The following LRRFIP1 variants were observed in gnomAD, a reference collection of about 807,000 sequenced individuals.
LRRFIP1 encodes the protein leucine-rich repeat flightless-interacting protein 1.
A neutral mutation model predicts 104.4 loss-of-function variants in LRRFIP1; 62 were observed. The ratio of observed to expected loss-of-function variants is 0.59; its 90% confidence interval spans 0.48 to 0.73. The LOEUF (loss-of-function observed/expected upper bound fraction) is 0.73, where lower values mean the gene tolerates loss of function less well. LRRFIP1 is among the 30% of genes least tolerant of loss of function. LRRFIP1 has a pLI of 0.00. For synonymous variants in LRRFIP1, 300 were observed against 299.0 expected, an observed-to-expected ratio of 1.00 and a Z score of -0.03; for missense variants, 796 against 824.5, an observed-to-expected ratio of 0.97 and a Z score of 0.42.
rs1269588296 is a variant in LRRFIP1 at position 237,758,795 on chromosome 2, G to A, written c.1291G>A (p.Val431Ile). 4.3e-6 allele frequency: 7 copies of A among 1,612,730 alleles called. No homozygotes were observed. The Admixed American group carries it at 8.4e-5, about 19-fold the overall frequency. The change falls in exon 18 of 24, where the codon GTA becomes ATA. Residue 431 changes from valine to isoleucine, a missense_variant. Val to Ile is a conservative substitution (Grantham distance 29). Transcript: ENST00000308482. Reference protein sequence around the residue: ...RSERDDLREEVVMLKEELKKH... With the variant: ...RSERDDLREEIVMLKEELKKH... ...TGAACGGGATGATCTTAGAGAAGAA[G>A]TAGTCATGCTGAAAGAGGAATTAAA...
At chr2:237,738,435 G>C (rs949045038) in intron 10 of LRRFIP1, among the ~76,000 whole-genome samples, 2 of 152,204 alleles carry the variant, frequency 1.3e-5, no homozygotes, top group African/African-American at 4.8e-5. Context: ...CAGTGGCGAG[G>C]CTTGCTATAT....
At chr2:237,730,668 C>T (rs2094959988) in intron 8 of LRRFIP1, among the ~76,000 whole-genome samples, 1 of 152,204 alleles carries the variant, frequency 6.6e-6, no homozygotes, top group Non-Finnish European at 1.5e-5. Context: ...CTATAAATCC[C>T]AGCACTTCGG....
At chr2:237,737,566 A>G (rs1457381502) in intron 10 of LRRFIP1, among the ~76,000 whole-genome samples, 4 of 152,190 alleles carry the variant, frequency 2.6e-5, no homozygotes, top group African/African-American at 4.8e-5. Flanking sequence ...TCTATTCACA[A>G]CAGTTCACTG....
chr2:237,678,836 A>G (rs1288920929), intron 1 of LRRFIP1, among the ~76,000 whole-genome samples: 2 of 152,148 alleles, frequency 1.3e-5, no homozygotes, highest in African/African-American at 4.8e-5. Flanking sequence ...CTTGCATTAT[A>G]TAGATCAAAC....
intron 13 of LRRFIP1, among the ~76,000 whole-genome samples, chr2:237,750,310 T>C (rs2058425532): frequency 6.7e-6 from 1 of 149,428 alleles, no homozygotes; most frequent in South Asian, 2.1e-4. Flanking sequence ...TCCTTTTTCT[T>C]TTCTTTTCTT....
intron 17 of LRRFIP1, among the ~76,000 whole-genome samples, chr2:237,758,514 T>C (rs2059531164): frequency 6.6e-6 from 1 of 152,214 alleles, no homozygotes; most frequent in South Asian, 2.1e-4. Context: ...CGCATGTCTT[T>C]CATGGAGTAT....
At chr2:237,650,100 G>A (rs2085674837) in intron 1 of LRRFIP1, among the ~76,000 whole-genome samples, 1 of 151,976 alleles carries the variant, frequency 6.6e-6, no homozygotes, top group African/African-American at 2.4e-5. Flanking sequence ...CCAAGTGTTG[G>A]AAAGGGCTCC....
chr2:237,684,046 TCTGA>T (rs1312485307), intron 1 of LRRFIP1, among the ~76,000 whole-genome samples: 7 of 152,222 alleles, frequency 4.6e-5, no homozygotes, highest in East Asian at 3.8e-4. Context: ...ATTTCATGGC[TCTGA>T]CTGTCAGGAA....
intron 10 of LRRFIP1, 28 bp from the exon 11 acceptor site, chr2:237,739,204 C>T (rs1263438016): frequency 1.0e-5 from 16 of 1,546,194 alleles, no homozygotes; most frequent in African/African-American, 8.2e-5. Context: ...TTTCTGGCTG[C>T]GTGTCCTGGC....
At chr2:237,712,303 C>A (rs1194094548) in intron 2 of LRRFIP1, among the ~76,000 whole-genome samples, 1 of 152,084 alleles carries the variant, frequency 6.6e-6, no homozygotes, top group Non-Finnish European at 1.5e-5. Context: ...TCTGTACCAA[C>A]AATAAAAACA....
At chr2:237,656,959 A>T (rs911601450) in intron 1 of LRRFIP1, among the ~76,000 whole-genome samples, 1 of 152,292 alleles carries the variant, frequency 6.6e-6, no homozygotes. Flanking sequence ...AACATAATTC[A>T]TGATAGAAAA....
chr2:237,671,769 C>A (rs1161210166), intron 1 of LRRFIP1, among the ~76,000 whole-genome samples: 1 of 151,648 alleles, frequency 6.6e-6, no homozygotes, highest in Non-Finnish European at 1.5e-5. Context: ...TGTGTGCACA[C>A]ACGTGTGCAT....
chr2:237,646,038 G>A (rs115522175), intron 1 of LRRFIP1, among the ~76,000 whole-genome samples: 1,862 of 152,028 alleles, frequency 0.012, 32 homozygotes, highest in Non-Finnish European at 0.021. Context: ...AACAGAGCCC[G>A]TGGTAGCAGC....
chr2:237,697,521 G>A (rs913035719), intron 1 of LRRFIP1, among the ~76,000 whole-genome samples: 8 of 152,182 alleles, frequency 5.3e-5, no homozygotes, highest in African/African-American at 1.9e-4. Flanking sequence ...AAGTAGATAA[G>A]TTCATGGAGG....
chr2:237,659,876 C>A (rs2087539543), intron 1 of LRRFIP1, among the ~76,000 whole-genome samples: 1 of 152,038 alleles, frequency 6.6e-6, no homozygotes, highest in Non-Finnish European at 1.5e-5. Flanking sequence ...TGGCCTCAAG[C>A]AATCCTCTCC....
chr2:237,713,985 A>G (rs574342366), intron 2 of LRRFIP1, among the ~76,000 whole-genome samples: 3 of 152,266 alleles, frequency 2.0e-5, no homozygotes, highest in Non-Finnish European at 4.4e-5. Context: ...GCAATAGGTT[A>G]TACAGACTTC....
chr2:237,728,391 G>A (rs992175831), intron 8 of LRRFIP1, among the ~76,000 whole-genome samples: 20 of 152,158 alleles, frequency 1.3e-4, no homozygotes, highest in African/African-American at 4.8e-4. Flanking sequence ...GAGAGGAAAA[G>A]GAGAATAAAA....
chr2:237,660,380 G>A (rs2087661758), intron 1 of LRRFIP1, among the ~76,000 whole-genome samples: 1 of 151,444 alleles, frequency 6.6e-6, no homozygotes, highest in Admixed American at 6.6e-5. Flanking sequence ...TAGATATGGG[G>A]ACATAGGGAC....
At chr2:237,685,398 T>G (rs1169766891) in intron 1 of LRRFIP1, among the ~76,000 whole-genome samples, 3 of 152,144 alleles carry the variant, frequency 2.0e-5, no homozygotes, top group African/African-American at 7.2e-5. Flanking sequence ...AAAACAACAT[T>G]TAATGGTGTA....
Sources: gnomAD v4.1 joint callset for allele counts (sites outside exome capture counted in the v4.1 genomes callset) on GRCh38, gnomAD v4.1.1 for gene constraint, MANE v1.5 for transcripts, NCBI Gene and HGNC (gene_info 2026-07-23, HGNC 2026-07-21) for gene names.